Variants in PCDHGB2 observed in about 807,000 individuals in gnomAD.
PCDHGB2 encodes protocadherin gamma-B2.
A neutral mutation model predicts 59.3 loss-of-function variants in PCDHGB2; 55 were observed. The ratio of observed to expected loss-of-function variants is 0.93; its 90% CI spans 0.75 to 1.16. The LOEUF (loss-of-function observed/expected upper bound fraction) is 1.16. Among genes scored for constraint, PCDHGB2 ranks in the 50% most tolerant of loss-of-function variants. The pLI is 0.00. For synonymous variants in PCDHGB2, 516 were observed against 512.0 expected (o/e 1.01, Z -0.11); for missense variants, 1,228 against 1,198.5 (o/e 1.02, Z -0.36).
At chr5:141,384,644 C>A (rs757384812) in intron 1 of PCDHGB2, 2 of 1,614,116 alleles carry the variant, frequency 1.2e-6, no homozygotes, top group African/African-American at 1.3e-5. Context: ...CCCCGCTCCG[C>A]AGAGCCCGGC....
intron 1 of PCDHGB2, among the ~76,000 whole-genome samples, chr5:141,386,991 A>G (rs1218503150): frequency 6.6e-6 from 1 of 152,212 alleles, no homozygotes; most frequent in Non-Finnish European, 1.5e-5. Context: ...GAGGCTATGT[A>G]TTATCCCCCT....
intron 1 of PCDHGB2, chr5:141,377,510 T>C (rs990813838): frequency 6.6e-6 from 1 of 152,006 alleles, no homozygotes; most frequent in African/African-American, 2.4e-5. Context: ...ATAGGAGGAT[T>C]GCTTAAGTCC....
chr5:141,431,678 T>G lies in PCDHGB2; in HGVS notation c.2422-63129T>G. The G allele has an allele frequency of 6.2e-7, 1 of 1,614,084 alleles. No homozygotes were observed. Among genetic ancestry groups the G allele is most frequent in the Non-Finnish European group, 8.5e-7 (1 of 1,180,022 alleles). On this transcript the variant is annotated intron_variant, in intron 1 of 3. Transcript: ENST00000522605. This position sits in a 1 kb window ranked among gnomAD's most constrained non-coding sequence, Gnocchi z 4.8. ...AGGGACAATATCAACAATAGGGGAGTTGGACCACGAGGAGTCAGGATTCTA... is the reference window on the plus strand; with the variant it reads ...AGGGACAATATCAACAATAGGGGAGGTGGACCACGAGGAGTCAGGATTCTA...
At position 141,418,922 on chromosome 5, in the gene PCDHGB2, C is replaced by G. The variant is rs180948941; in HGVS notation, c.2421+56366C>G. The G allele has an allele frequency of 3.7e-6, 6 of 1,613,994 alleles. 1 individual carries two copies. In the Admixed American group the frequency reaches 6.7e-5, roughly 18 times the overall value. On this transcript the variant is annotated intron_variant, in intron 1 of 3. Coordinates refer to ENST00000522605, the MANE Select transcript of PCDHGB2 (RefSeq NM_018923.3). ...AATAATCATCACGTCACTCTCTGAT[C>G]AGATTATGGAGGATTCCCCTCCAGG...
In PCDHGB2 at chr5:141,398,847, G is replaced by A. The variant is rs773663002; in HGVS notation, c.2421+36291G>A. On this transcript the variant is annotated intron_variant, in intron 1 of 3. Coordinates refer to ENST00000522605, the MANE Select transcript of PCDHGB2 (RefSeq NM_018923.3). Reference sequence around the variant, plus strand: ...TAACCGACGCCAATGATAATCCCCCGGTATTCAACCGAGACGTGTACAGAG... The same window carrying A: ...TAACCGACGCCAATGATAATCCCCCAGTATTCAACCGAGACGTGTACAGAG... The A allele has an allele frequency of 2.5e-6, 4 of 1,613,758 alleles. No homozygotes were observed. In the African/African-American group the frequency reaches 5.3e-5, roughly 22 times the overall value.
At chr5:141,385,118 T>C in intron 1 of PCDHGB2, 1 of 1,614,216 alleles carries the variant, frequency 6.2e-7, no homozygotes. Context: ...ACCTCGCACT[T>C]TGTGGGCATG....
intron 1 of PCDHGB2, among the ~76,000 whole-genome samples, chr5:141,443,156 A>G (rs1059029): frequency 0.29 from 44,047 of 151,812 alleles, 7,376 homozygotes; most frequent in African/African-American, 0.47. Flanking sequence ...ACTGCATTTT[A>G]TTTCCCTACC....
chr5:141,419,540 C>A (rs999461892), intron 1 of PCDHGB2: 4 of 1,612,018 alleles, frequency 2.5e-6, no homozygotes. Flanking sequence ...CAACGCACCG[C>A]GGGTGCTGTA....
intron 1 of PCDHGB2, chr5:141,389,267 G>A: frequency 6.2e-7 from 1 of 1,614,008 alleles, no homozygotes; most frequent in African/African-American, 1.3e-5. Flanking sequence ...ACGTGGCCGA[G>A]AACAACCCGC....
intron 1 of PCDHGB2, chr5:141,414,717 C>T: frequency 6.2e-7 from 1 of 1,614,152 alleles, no homozygotes; most frequent in Non-Finnish European, 8.5e-7. Flanking sequence ...TCAACTCAGA[C>T]ACTGGCGTCC....
At chr5:141,423,821 C>A (rs2096784513) in intron 1 of PCDHGB2, 1 of 1,272,728 alleles carries the variant, frequency 7.9e-7, no homozygotes, top group Admixed American at 3.9e-5. Context: ...TTTACTTTGC[C>A]TTTCATGAGA....
At chr5:141,510,814 C>T in intron 3 of PCDHGB2, 133 bp from the exon 4 acceptor site, 2 of 1,544,688 alleles carry the variant, frequency 1.3e-6, no homozygotes, top group East Asian at 4.6e-5. Context: ...TTGGTGACCC[C>T]TATATTCCCA....
At chr5:141,413,148 C>G (rs370253778) in intron 1 of PCDHGB2, 10 of 1,570,530 alleles carry the variant, frequency 6.4e-6, no homozygotes, top group Middle Eastern at 1.7e-4. Flanking sequence ...CCAGTGAGGA[C>G]TTTGCAGAAT....
chr5:141,394,521 G>A (rs761808641), intron 1 of PCDHGB2: 5 of 1,614,212 alleles, frequency 3.1e-6, no homozygotes, highest in Non-Finnish European at 4.2e-6. Flanking sequence ...CCTCCCCACA[G>A]ACGGTTCCAC....
intron 1 of PCDHGB2, among the ~76,000 whole-genome samples, chr5:141,373,562 T>C (rs955311782): frequency 2.6e-5 from 4 of 152,186 alleles, no homozygotes; most frequent in African/African-American, 9.7e-5. Context: ...TTACTGAAAA[T>C]GGGACTAGCA....
intron 1 of PCDHGB2, chr5:141,478,712 G>A (rs1160573848): frequency 3.2e-6 from 5 of 1,547,048 alleles, no homozygotes; most frequent in Non-Finnish European, 4.4e-6. Flanking sequence ...TTTGTGAGAT[G>A]GTGGCCTGCC....
chr5:141,474,430 C>T (rs2099349577), intron 1 of PCDHGB2, among the ~76,000 whole-genome samples: 1 of 152,212 alleles, frequency 6.6e-6, no homozygotes, highest in African/African-American at 2.4e-5. Flanking sequence ...TTGGTCCTCA[C>T]ACTTTGAGTA....
chr5:141,370,188 T>C, intron 1 of PCDHGB2: 1 of 511,926 alleles, frequency 2.0e-6, no homozygotes, highest in South Asian at 4.0e-5. Context: ...CGCTCTTGGC[T>C]AGTGCTGTGC....
intron 1 of PCDHGB2, among the ~76,000 whole-genome samples, chr5:141,468,994 T>C (rs2099188173): frequency 6.7e-6 from 1 of 148,824 alleles, no homozygotes; most frequent in Non-Finnish European, 1.5e-5. Context: ...ATTATTGTTT[T>C]TGCTGGGTGC....
Sources: gnomAD v4.1 joint callset for allele counts (sites outside exome capture counted in the v4.1 genomes callset) on GRCh38, gnomAD v4.1.1 for gene constraint, Gnocchi (gnomAD v3.1) non-coding constraint, MANE v1.5 for transcripts, NCBI Gene and HGNC (gene_info 2026-07-23, HGNC 2026-07-21) for gene names.